Variants in GRM1 observed in about 807,000 individuals in gnomAD.
The protein encoded by GRM1 is glutamate metabotropic receptor 1.
A neutral mutation model predicts 90.9 loss-of-function variants in GRM1; 33 were observed. That is an observed-to-expected ratio of 0.36 (90% CI 0.28 to 0.49). GRM1 has a LOEUF of 0.49. Among genes scored for constraint, GRM1 ranks in the 20% least tolerant of loss-of-function variants. The probability of loss-of-function intolerance (pLI) is 0.99; values close to 1 mark genes in which losing one functional copy is unlikely to be tolerated. For synonymous variants in GRM1, 700 were observed against 613.2 expected, an observed-to-expected ratio of 1.14 and a Z score of -2.09; for missense variants, 1,190 against 1,534.3, an observed-to-expected ratio of 0.78 and a Z score of 3.75.
intron 3 of GRM1, among the ~76,000 whole-genome samples, chr6:146,309,225 C>T (rs184447272): frequency 1.7e-3 from 261 of 151,954 alleles, no homozygotes; most frequent in Non-Finnish European, 2.4e-3. Context: ...ATGGTGAAGC[C>T]CCATCTCTAC....
At chr6:146,373,031 T>C (rs1452215414) in intron 5 of GRM1, among the ~76,000 whole-genome samples, 3 of 152,176 alleles carry the variant, frequency 2.0e-5, no homozygotes, top group Admixed American at 1.3e-4. Flanking sequence ...AGGGATTGCA[T>C]TGACTCTGTC....
At chr6:146,374,162 ATCG>A (rs1776007210) in intron 5 of GRM1, among the ~76,000 whole-genome samples, 1 of 132,650 alleles carries the variant, frequency 7.5e-6, no homozygotes, top group African/African-American at 3.1e-5. Context: ...ATGTATCGGT[ATCG>A]CATTGATTAA....
intron 2 of GRM1, among the ~76,000 whole-genome samples, chr6:146,281,807 A>T (rs1444355516): frequency 6.6e-6 from 1 of 152,152 alleles, no homozygotes; most frequent in Non-Finnish European, 1.5e-5. Context: ...AAGTGGCTTG[A>T]TCCCATCTTG....
At chr6:146,195,400 A>G (rs1041336465) in intron 2 of GRM1, among the ~76,000 whole-genome samples, 3 of 152,166 alleles carry the variant, frequency 2.0e-5, no homozygotes, top group Non-Finnish European at 2.9e-5. Context: ...ACCTCCTCAG[A>G]CCCGCCGTTC....
At chr6:146,035,274 T>C (rs1790847955) in intron 1 of GRM1, among the ~76,000 whole-genome samples, 1 of 151,958 alleles carries the variant, frequency 6.6e-6, no homozygotes, top group Non-Finnish European at 1.5e-5. Context: ...TAATGGAGAA[T>C]CTTGAAGCAT....
intron 1 of GRM1, among the ~76,000 whole-genome samples, chr6:146,032,644 A>T (rs1366681540): frequency 6.6e-6 from 1 of 152,166 alleles, no homozygotes; most frequent in Non-Finnish European, 1.5e-5. Context: ...CTGTCGTCTG[A>T]GCACTATTCA....
At chr6:146,213,733 T>TAGATAGATAGAG (rs1779764074) in intron 2 of GRM1, among the ~76,000 whole-genome samples, 1 of 150,612 alleles carries the variant, frequency 6.6e-6, no homozygotes, top group Non-Finnish European at 1.5e-5. Context: ...GATAGATAGA[T>TAGATAGATAGAG]AGATGGATGA....
At chr6:146,037,752 G>A (rs1790943005) in intron 1 of GRM1, among the ~76,000 whole-genome samples, 1 of 151,888 alleles carries the variant, frequency 6.6e-6, no homozygotes, top group African/African-American at 2.4e-5. Flanking sequence ...CTTCTCTTTA[G>A]CAACCCACTT....
intron 3 of GRM1, among the ~76,000 whole-genome samples, chr6:146,347,256 T>C: frequency 6.6e-6 from 1 of 152,230 alleles, no homozygotes; most frequent in East Asian, 1.9e-4. Flanking sequence ...TGGGTAGGAC[T>C]GCTGCTGCGT....
At position 146,147,055 on chromosome 6, in the gene GRM1, T is replaced by C. The variant is rs576653063; in HGVS notation, c.701-12293T>C. 3.9e-5 allele frequency among the ~76,000 whole-genome samples: 6 copies of C among 152,322 alleles called. No homozygotes were observed. In the East Asian group the frequency reaches 1.2e-3, roughly 29 times the overall value. On this transcript the variant is annotated intron_variant, in intron 1 of 7. Coordinates refer to ENST00000282753, the MANE Select transcript of GRM1 (RefSeq NM_001278064.2). ...ACTTTTTCAAAAATTTCCCAGAAGC[T>C]TCACTTGACAACTTCTGCTTAAATC...
At chr6:146,089,327 T>C (rs1286794871) in intron 1 of GRM1, among the ~76,000 whole-genome samples, 3 of 152,022 alleles carry the variant, frequency 2.0e-5, no homozygotes, top group Admixed American at 6.6e-5. Context: ...ACTGAGTGAG[T>C]CTGGGAGCAG....
rs187629374 is a variant in GRM1, at chr6:146,137,875, C to T, written c.701-21473C>T. Among the ~76,000 whole-genome samples the T allele has an allele frequency of 5.5e-3, 832 of 152,154 alleles. 6 individuals are homozygous for T. The highest frequency in any genetic ancestry group is 0.019 in the African/African-American group (796 of 41,522). On this transcript the variant is annotated intron_variant, in intron 1 of 7. Transcript: ENST00000282753. ...TCATTGGACAGATTTTTCACTTCTT[C>T]GGTTAAGTTAATGCCTAGGTATTTA...
At chr6:146,405,565 T>G (rs73579058) in intron 7 of GRM1, among the ~76,000 whole-genome samples, 13,372 of 152,196 alleles carry the variant, frequency 0.088, 1,768 homozygotes, top group African/African-American at 0.29. Context: ...CAACATGGTT[T>G]GTTTCTGGTG....
chr6:146,269,471 C>T (rs1378844999), intron 2 of GRM1, among the ~76,000 whole-genome samples: 1 of 152,194 alleles, frequency 6.6e-6, no homozygotes, highest in Non-Finnish European at 1.5e-5. Flanking sequence ...AGAAGAGAAT[C>T]TGGATTTTGG....
intron 7 of GRM1, among the ~76,000 whole-genome samples, chr6:146,430,864 T>C (rs550023798): frequency 1.3e-5 from 2 of 152,352 alleles, no homozygotes; most frequent in East Asian, 3.9e-4. Context: ...TAGTTACACA[T>C]GTATTGAATA....
At chr6:146,058,205 C>T (rs999426186) in intron 1 of GRM1, among the ~76,000 whole-genome samples, 7 of 151,940 alleles carry the variant, frequency 4.6e-5, no homozygotes, top group African/African-American at 1.7e-4. Flanking sequence ...AAGTTTCTAC[C>T]TAGTCTCAGT....
chr6:146,197,721 T>C lies in GRM1; in HGVS notation c.950+38124T>C, dbSNP rs190293930. Among the ~76,000 whole-genome samples the C allele has an allele frequency of 6.6e-5, 10 of 152,342 alleles. No homozygotes were observed. The East Asian group carries it at 1.5e-3, about 23-fold the overall frequency. ...TTGTTCATCCTCTGTGAATGACAAC[T>C]GTTTGTGATTTTCTTTTCTATTTGT... On this transcript the variant is annotated intron_variant, in intron 2 of 7. Coordinates refer to ENST00000282753, the MANE Select transcript of GRM1 (RefSeq NM_001278064.2).
intron 7 of GRM1, among the ~76,000 whole-genome samples, chr6:146,424,014 G>A (rs1355445796): frequency 1.3e-5 from 2 of 152,152 alleles, no homozygotes; most frequent in Non-Finnish European, 1.5e-5. Context: ...GACTGCACGT[G>A]CTCAGCCCAC....
chr6:146,254,538 A>G (rs1331537429), intron 2 of GRM1, among the ~76,000 whole-genome samples: 2 of 152,222 alleles, frequency 1.3e-5, no homozygotes, highest in Admixed American at 1.3e-4. Flanking sequence ...AATGCATTTT[A>G]CATCATGACC....
Sources: allele counts gnomAD v4.1 joint callset (sites outside exome capture counted in the v4.1 genomes callset), GRCh38; gene constraint gnomAD v4.1.1; transcripts MANE v1.5; gene names NCBI Gene and HGNC (gene_info 2026-07-23, HGNC 2026-07-21).